Variants in PCDH15 observed in about 807,000 individuals in gnomAD.
The protein encoded by PCDH15 is protocadherin-15.
Under a neutral mutation model 178.5 loss-of-function variants are expected in PCDH15, and 129 were observed. The observed-to-expected ratio is 0.72, with a 90% CI of 0.63 to 0.84. PCDH15 has a LOEUF of 0.84. Ranked by LOEUF, PCDH15 falls within the 40% of genes least tolerant of loss-of-function variation. The pLI is 0.00. For synonymous variants in PCDH15, 800 were observed against 732.0 expected (o/e 1.09, Z -1.50); for missense variants, 2,230 against 2,099.9 (o/e 1.06, Z -1.21).
intron 3 of PCDH15, among the ~76,000 whole-genome samples, chr10:54,513,755 C>T (rs941056972): frequency 2.6e-5 from 4 of 152,124 alleles, no homozygotes; most frequent in African/African-American, 7.2e-5. Context: ...TTGTGAAACT[C>T]ATGTTAATGT....
At chr10:54,060,983 G>A (rs911295640) in intron 18 of PCDH15, among the ~76,000 whole-genome samples, 1 of 152,158 alleles carries the variant, frequency 6.6e-6, no homozygotes, top group African/African-American at 2.4e-5. Context: ...CTTAGAGTCA[G>A]TCTATCTAAA....
chr10:54,453,573 G>A lies in PCDH15; in HGVS notation c.157+74239C>T, dbSNP rs147165461. Reference sequence around the variant, plus strand: ...AATGTTAAATGACGAGTTAATGGGTGCAGCACACCAACATGGCACATGTAT... The same window carrying A: ...AATGTTAAATGACGAGTTAATGGGTACAGCACACCAACATGGCACATGTAT... On this transcript the variant is annotated intron_variant, in intron 3 of 37. Transcript: ENST00000644397. Among the ~76,000 whole-genome samples, 163 of 151,894 alleles carry A rather than the reference G, an allele frequency of 1.1e-3. No individual in the cohort carries two copies. In the East Asian group the frequency reaches 0.024, roughly 23 times the overall value.
chr10:54,679,639 A>G (rs2094863282), intron 1 of PCDH15, among the ~76,000 whole-genome samples: 1 of 152,150 alleles, frequency 6.6e-6, no homozygotes, highest in Non-Finnish European at 1.5e-5. Flanking sequence ...AGCTTTCTTG[A>G]GCAACAGTAA....
At chr10:53,897,796 A>C (rs1342019905) in intron 26 of PCDH15, among the ~76,000 whole-genome samples, 1 of 152,084 alleles carries the variant, frequency 6.6e-6, no homozygotes, top group Non-Finnish European at 1.5e-5. Context: ...ATATTTGCCC[A>C]TGTCTAGGTT....
At chr10:54,231,960 C>A (rs2054121261) in intron 9 of PCDH15, among the ~76,000 whole-genome samples, 1 of 152,148 alleles carries the variant, frequency 6.6e-6, no homozygotes, top group Non-Finnish European at 1.5e-5. Flanking sequence ...AGATTTTGGA[C>A]TGTGGACTTC....
chr10:55,538,839 T>C (rs796963342), intron 2 of PCDH15, among the ~76,000 whole-genome samples: 1 of 101,370 alleles, frequency 9.9e-6, no homozygotes, highest in African/African-American at 3.7e-5. Context: ...CTCTCGTTCC[T>C]TCCTCCTTTC....
chr10:54,740,655 A>T (rs546933339), intron 1 of PCDH15, among the ~76,000 whole-genome samples: 1 of 152,164 alleles, frequency 6.6e-6, no homozygotes, highest in East Asian at 1.9e-4. Context: ...GATTAAGAAA[A>T]TGTAGTATAT....
chr10:54,208,614 T>G (rs928079910), intron 10 of PCDH15, among the ~76,000 whole-genome samples: 14 of 151,930 alleles, frequency 9.2e-5, no homozygotes, highest in African/African-American at 3.4e-4. Context: ...CCATATTGAG[T>G]ATGAAATTCC....
intron 13 of PCDH15, among the ~76,000 whole-genome samples, chr10:54,166,367 G>A (rs968834881): frequency 5.3e-5 from 8 of 152,254 alleles, no homozygotes; most frequent in East Asian, 1.9e-4. Flanking sequence ...TGCCTTACTC[G>A]TTCTACGTAT....
At chr10:54,593,795 T>A (rs184861690) in intron 2 of PCDH15, among the ~76,000 whole-genome samples, 1 of 152,250 alleles carries the variant, frequency 6.6e-6, no homozygotes, top group East Asian at 1.9e-4. Flanking sequence ...ATTAATTATT[T>A]CAATTCATAA....
At chr10:54,378,716 C>T (rs1948800145) in intron 4 of PCDH15, 66 bp downstream of exon 4, 2 of 1,511,182 alleles carry the variant, frequency 1.3e-6, no homozygotes, top group Non-Finnish European at 9.1e-7. Flanking sequence ...ATCATATAAA[C>T]ACACACATAG....
At chr10:53,983,215 T>C (rs984854500) in intron 21 of PCDH15, among the ~76,000 whole-genome samples, 8 of 151,828 alleles carry the variant, frequency 5.3e-5, no homozygotes, top group Middle Eastern at 3.4e-3. Context: ...TATAAAGTGG[T>C]TTGGGTGTGT....
chr10:55,017,094 C>G (rs995550610), intron 2 of PCDH15, among the ~76,000 whole-genome samples: 1 of 152,120 alleles, frequency 6.6e-6, no homozygotes, highest in Non-Finnish European at 1.5e-5. Context: ...GAGACCCCAA[C>G]TTTACTTTCT....
chr10:55,019,452 T>C (rs1840269903), intron 2 of PCDH15, among the ~76,000 whole-genome samples: 1 of 152,168 alleles, frequency 6.6e-6, no homozygotes, highest in South Asian at 2.1e-4. Context: ...CTACCCCTTT[T>C]TTTTTCCTTA....
intron 8 of PCDH15, among the ~76,000 whole-genome samples, chr10:54,266,709 A>T (rs2057716272): frequency 6.6e-6 from 1 of 151,978 alleles, no homozygotes; most frequent in Non-Finnish European, 1.5e-5. Flanking sequence ...GGAGAAATGG[A>T]TACCTTCCTG....
At chr10:54,099,393 G>T (rs1264251338) in intron 15 of PCDH15, among the ~76,000 whole-genome samples, 1 of 150,490 alleles carries the variant, frequency 6.6e-6, no homozygotes, top group Non-Finnish European at 1.5e-5. Context: ...CCAGCTACTC[G>T]GGAGGCTGAG....
At chr10:54,422,757 T>C (rs1955706138) in intron 3 of PCDH15, among the ~76,000 whole-genome samples, 1 of 152,192 alleles carries the variant, frequency 6.6e-6, no homozygotes, top group South Asian at 2.1e-4. Flanking sequence ...ACCAGCATTA[T>C]GAAATCAACA....
chr10:54,360,531 G>C (rs1312673467), intron 5 of PCDH15, among the ~76,000 whole-genome samples: 2 of 151,806 alleles, frequency 1.3e-5, no homozygotes, highest in African/African-American at 4.8e-5. Flanking sequence ...AGTTGGGCAG[G>C]GTGTTCATCT....
chr10:54,733,398 G>A (rs1418668182), intron 1 of PCDH15, among the ~76,000 whole-genome samples: 1 of 151,488 alleles, frequency 6.6e-6, no homozygotes, highest in African/African-American at 2.4e-5. Flanking sequence ...AGATATTTAG[G>A]TTAAATTCTA....
Sources: gnomAD v4.1 joint callset for allele counts (sites outside exome capture counted in the v4.1 genomes callset) on GRCh38, gnomAD v4.1.1 for gene constraint, MANE v1.5 for transcripts, NCBI Gene and HGNC (gene_info 2026-07-23, HGNC 2026-07-21) for gene names.